SNCAIP: variants seen among roughly 807,000 people sequenced by gnomAD.
SNCAIP encodes the protein synphilin-1.
Under a neutral mutation model 86.7 loss-of-function variants are expected in SNCAIP, and 43 were observed. The ratio of observed to expected loss-of-function variants is 0.50; its 90% CI spans 0.39 to 0.64. The LOEUF is 0.64. Among genes scored for constraint, SNCAIP ranks in the 30% least tolerant of loss-of-function variants. The probability of loss-of-function intolerance (pLI) is 0.00; values close to 1 mark genes in which losing one functional copy is unlikely to be tolerated. For synonymous variants in SNCAIP, 417 were observed against 427.2 expected, an observed-to-expected ratio of 0.98 and a Z score of 0.29; for missense variants, 981 against 1,103.1, an observed-to-expected ratio of 0.89 and a Z score of 1.57.
At chr5:122,316,600 A>G (rs7700751) in intron 1 of SNCAIP, among the ~76,000 whole-genome samples, 24,531 of 151,910 alleles carry the variant, frequency 0.16, 2,150 homozygotes, top group South Asian at 0.3. Context: ...AGATGCATGA[A>G]TAATAGTTGA....
intron 1 of SNCAIP, among the ~76,000 whole-genome samples, chr5:122,320,505 G>A (rs921374503): frequency 1.4e-4 from 22 of 152,118 alleles, no homozygotes; most frequent in African/African-American, 3.1e-4. Context: ...GAAATAAAGC[G>A]TGGTAAGTGT....
intron 7 of SNCAIP, 188 bp from the exon 8 acceptor site, chr5:122,444,375 C>T (rs1781818605): frequency 3.1e-6 from 2 of 648,830 alleles, no homozygotes; most frequent in Admixed American, 2.2e-5. Flanking sequence ...ATGTGGGCTG[C>T]AGATGAGCAT....
In SNCAIP at chr5:122,407,798, G is replaced by A. The variant is rs1289938400; in HGVS notation, c.130+3933G>A. ...CAAAAAAGAAAAAAAATAGTCCAAAGCCAATCAGATCTTTGAAGGTAATCC... is the reference window on the plus strand; with the variant it reads ...CAAAAAAGAAAAAAAATAGTCCAAAACCAATCAGATCTTTGAAGGTAATCC... On this transcript the variant is annotated intron_variant, in intron 3 of 10. Coordinates refer to ENST00000261368, the MANE Select transcript of SNCAIP (RefSeq NM_005460.4). 1.8e-4 allele frequency among the ~76,000 whole-genome samples: 28 copies of A among 152,100 alleles called. 2 individuals carry two copies. The highest frequency in any genetic ancestry group is 1.8e-3 in the Admixed American group (28 of 15,276).
intron 10 of SNCAIP, among the ~76,000 whole-genome samples, chr5:122,453,853 G>A (rs574709133): frequency 3.3e-5 from 5 of 150,230 alleles, no homozygotes; most frequent in East Asian, 3.9e-4. Context: ...TCTGCCTCCC[G>A]GGTTCAAGTG....
At position 122,325,787 on chromosome 5, in the gene SNCAIP, C is replaced by T. The variant is rs188863345; in HGVS notation, c.-47+13503C>T. ...GTATTCGCAATATTTTTGCATTCTT[C>T]AATTTTTTTTGAGTGAGAAGAAATC... is the stretch of plus-strand genomic sequence containing the variant. On this transcript the variant is annotated intron_variant, in intron 1 of 10. Coordinates refer to ENST00000261368, the MANE Select transcript of SNCAIP (RefSeq NM_005460.4). Among the ~76,000 whole-genome samples the T allele has an allele frequency of 1.9e-3, 293 of 152,124 alleles. 1 individual carries two copies. Among genetic ancestry groups the T allele is most frequent in the African/African-American group, 6.8e-3 (284 of 41,480 alleles).
intron 1 of SNCAIP, among the ~76,000 whole-genome samples, chr5:122,386,462 A>G (rs1561640284): frequency 6.6e-6 from 1 of 152,322 alleles, no homozygotes; most frequent in East Asian, 1.9e-4. Context: ...TAGGCACTGG[A>G]GGGACTTCTG....
chr5:122,379,517 T>G (rs1360969288), intron 1 of SNCAIP, among the ~76,000 whole-genome samples: 3 of 137,656 alleles, frequency 2.2e-5, no homozygotes, highest in African/African-American at 8.2e-5. Context: ...TTTTCCTAAT[T>G]GAATACCCTT....
chr5:122,420,782 A>G (rs1776220637), intron 3 of SNCAIP, among the ~76,000 whole-genome samples: 1 of 152,190 alleles, frequency 6.6e-6, no homozygotes, highest in South Asian at 2.1e-4. Context: ...TTAGAGAGAA[A>G]AGTTCATATA....
chr5:122,330,113 A>ATTTTTTTTTTTTTTTTT (rs1387266417), intron 1 of SNCAIP, among the ~76,000 whole-genome samples: 1 of 120,358 alleles, frequency 8.3e-6, no homozygotes, highest in Non-Finnish European at 1.7e-5. Context: ...GTACAACTTC[A>ATTTTTTTTTTTTTTTTT]TTTCTTTTTT....
chr5:122,329,033 A>G (rs900500410), intron 1 of SNCAIP, among the ~76,000 whole-genome samples: 1 of 151,872 alleles, frequency 6.6e-6, no homozygotes, highest in Non-Finnish European at 1.5e-5. Flanking sequence ...TAAATTATTT[A>G]CTCTTCTCTG....
intron 1 of SNCAIP, among the ~76,000 whole-genome samples, chr5:122,358,195 GTGTGTGTGTATA>G (rs995855137): frequency 2.6e-4 from 26 of 100,620 alleles, no homozygotes; most frequent in African/African-American, 1.1e-3. Context: ...GTGTGTGTGT[GTGTGTGTGTATA>G]TATATATATA....
chr5:122,429,180 G>C (rs1331785531), intron 5 of SNCAIP, among the ~76,000 whole-genome samples: 4 of 151,632 alleles, frequency 2.6e-5, no homozygotes, highest in Admixed American at 2.6e-4. Flanking sequence ...CACTTAGAGG[G>C]AGATTTGTAG....
In SNCAIP at chr5:122,454,808, G is replaced by A. The variant is rs555880521; in HGVS notation, c.2754+3207G>A. ...ACAGCAACAGGGAGCAAGACAATTA[G>A]TATCACAGTAGATTCTCCTGCCAGA... On this transcript the variant is annotated intron_variant, in intron 10 of 10. Coordinates refer to ENST00000261368, the MANE Select transcript of SNCAIP (RefSeq NM_005460.4). Among the ~76,000 whole-genome samples, 142 of 152,328 alleles carry A rather than the reference G, an allele frequency of 9.3e-4. 1 individual carries two copies. The highest frequency in any genetic ancestry group is 5.0e-4 in the Non-Finnish European group (34 of 68,034).
intron 1 of SNCAIP, among the ~76,000 whole-genome samples, chr5:122,385,501 G>C (rs1326112039): frequency 6.6e-6 from 1 of 152,138 alleles, no homozygotes; most frequent in African/African-American, 2.4e-5. Flanking sequence ...TTCCTTGCCA[G>C]CCAAGCTACT....
intron 1 of SNCAIP, among the ~76,000 whole-genome samples, chr5:122,368,268 T>C (rs1048104332): frequency 1.3e-4 from 20 of 152,174 alleles, no homozygotes; most frequent in African/African-American, 4.8e-4. Context: ...TAGAGTCAGT[T>C]TTCCTATGAT....
intron 10 of SNCAIP, among the ~76,000 whole-genome samples, chr5:122,457,063 G>A (rs567402235): frequency 2.0e-5 from 3 of 152,234 alleles, no homozygotes; most frequent in South Asian, 2.1e-4. Context: ...GTGCAGTGGT[G>A]CGATCTTGGC....
chr5:122,349,334 G>A (rs1433492693), intron 1 of SNCAIP, among the ~76,000 whole-genome samples: 3 of 152,128 alleles, frequency 2.0e-5, no homozygotes, highest in Admixed American at 1.3e-4. Flanking sequence ...GTAGGAGGTA[G>A]AGCTTGATAT....
chr5:122,397,694 T>C (rs1770913939), intron 2 of SNCAIP, among the ~76,000 whole-genome samples: 1 of 151,968 alleles, frequency 6.6e-6, no homozygotes, highest in Non-Finnish European at 1.5e-5. Context: ...ATCTGTACTA[T>C]GTAGAGGTGG....
chr5:122,450,230 T>C (rs748550407), intron 9 of SNCAIP, among the ~76,000 whole-genome samples: 31 of 152,176 alleles, frequency 2.0e-4, no homozygotes, highest in Non-Finnish European at 3.4e-4. Flanking sequence ...ATAGGAGATA[T>C]ATATATATAG....
Sources: gnomAD v4.1 joint callset for allele counts (sites outside exome capture counted in the v4.1 genomes callset) on GRCh38, gnomAD v4.1.1 for gene constraint, MANE v1.5 for transcripts, NCBI Gene and HGNC (gene_info 2026-07-23, HGNC 2026-07-21) for gene names.